The following CUL5 variants were observed in gnomAD, a reference collection of about 807,000 sequenced individuals.
The protein encoded by CUL5 is cullin 5, also known as cullin-5.
In CUL5, 26 loss-of-function variants were observed where a neutral mutation model predicts 108.8. The ratio of observed to expected loss-of-function variants is 0.24; its 90% confidence interval spans 0.18 to 0.33. CUL5 has a LOEUF of 0.33. Among genes scored for constraint, CUL5 ranks in the 10% least tolerant of loss-of-function variants. CUL5 has a pLI of 1.00. For synonymous variants in CUL5, 334 were observed against 298.0 expected, an observed-to-expected ratio of 1.12 and a Z score of -1.25; for missense variants, 524 against 909.2, an observed-to-expected ratio of 0.58 and a Z score of 5.45.
chr11:108,083,871 A>T (rs559281507), intron 11 of CUL5, among the ~76,000 whole-genome samples: 1 of 152,284 alleles, frequency 6.6e-6, no homozygotes, highest in South Asian at 2.1e-4. Flanking sequence ...GGAGGAGGTG[A>T]TGTTCTAGAA....
chr11:108,067,077 G>C (rs1863702366), intron 7 of CUL5, among the ~76,000 whole-genome samples: 1 of 152,158 alleles, frequency 6.6e-6, no homozygotes, highest in African/African-American at 2.4e-5. Context: ...TATAACTCAA[G>C]ACCTTATGAA....
chr11:108,051,415 C>G lies in CUL5; in HGVS notation c.412-1245C>G, dbSNP rs1863217343. On this transcript the variant is annotated intron_variant, in intron 4 of 18. Transcript: ENST00000393094. ...AAATGTGGAAAGTTAGCTTTGCTAT[C>G]TGTACCCCAGGTTTCACATATCTAA... is the stretch of plus-strand genomic sequence containing the variant. 3.3e-5 allele frequency among the ~76,000 whole-genome samples: 5 copies of G among 152,168 alleles called. No individual in the cohort carries two copies. The South Asian group carries it at 1.0e-3, about 32-fold the overall frequency.
chr11:108,085,270 A>G (rs905537150), intron 11 of CUL5, among the ~76,000 whole-genome samples: 2 of 152,220 alleles, frequency 1.3e-5, no homozygotes, highest in African/African-American at 2.4e-5. Flanking sequence ...TTATTCTGCT[A>G]TATGCTACAA....
rs773855017 is a variant in CUL5 at position 108,098,538 on chromosome 11, T to G, written c.2148+9T>G. On this transcript the variant is annotated intron_variant, in intron 18 of 18. Transcript: ENST00000393094. ...GAATACTAAGAACCCAGGTTTGTAA[T>G]GTTGACAGAATGTCTGAAGTTTAAA... The G allele has an allele frequency of 7.3e-6, 11 of 1,511,638 alleles. No individual in the cohort carries two copies. Among genetic ancestry groups the G allele is most frequent in the African/African-American group, 1.4e-5 (1 of 69,556 alleles). The allele number at this position is 1,511,638 out of a possible 1,614,324, so 93.6% of individuals were successfully genotyped here. A position where few individuals can be genotyped will look rare whatever the true frequency, so the allele number is the denominator to read the frequency against.
chr11:108,050,483 C>T (rs1863188257), intron 4 of CUL5, among the ~76,000 whole-genome samples: 1 of 152,072 alleles, frequency 6.6e-6, no homozygotes, highest in African/African-American at 2.4e-5. Flanking sequence ...TCTCCTGCCT[C>T]AGCCTCCTGA....
intron 11 of CUL5, among the ~76,000 whole-genome samples, chr11:108,086,404 A>G (rs1864224068): frequency 6.6e-6 from 1 of 152,178 alleles, no homozygotes; most frequent in Non-Finnish European, 1.5e-5. Flanking sequence ...AGCCTGAGCA[A>G]TGTATCTAGA....
At chr11:108,039,082 G>A (rs185078708) in intron 2 of CUL5, among the ~76,000 whole-genome samples, 15 of 151,644 alleles carry the variant, frequency 9.9e-5, no homozygotes, top group Admixed American at 2.6e-4. Context: ...GTGCAATGGC[G>A]CAATCTCGGC....
At position 108,073,378 on chromosome 11, in the gene CUL5, T is replaced by C. The variant is rs1863871803; in HGVS notation, c.1006-12T>C. The stretch of plus-strand genomic sequence containing the variant: ...TCTTTTAAAAACTTAATGTAAAACC[T>C]TTTGTTTCTAGGACTCTGAGAAATA... On this transcript the variant is annotated splice_polypyrimidine_tract_variant and intron_variant, in intron 9 of 18. Transcript: ENST00000393094. 7.7e-7 allele frequency: 1 copy of C among 1,300,714 alleles called. No homozygotes were observed. The highest frequency in any genetic ancestry group is 1.1e-6 in the Non-Finnish European group (1 of 918,866). The allele number at this position is 1,300,714 out of a possible 1,614,324, so 80.6% of individuals were successfully genotyped here.
At chr11:108,091,330 C>T (rs574397724) in intron 13 of CUL5, among the ~76,000 whole-genome samples, 6 of 151,576 alleles carry the variant, frequency 4.0e-5, no homozygotes, top group South Asian at 4.2e-4. Flanking sequence ...AGATTACAGG[C>T]GTGAGCCACC....
chr11:108,009,502 G>A, intron 1 of CUL5, 130 bp downstream of exon 1: 2 of 957,692 alleles, frequency 2.1e-6, no homozygotes, highest in Non-Finnish European at 3.2e-6. Context: ...GGGAAGCCGC[G>A]GTGGCAGCCG....
At chr11:108,069,506 C>T (rs1485021161) in intron 7 of CUL5, among the ~76,000 whole-genome samples, 1 of 152,000 alleles carries the variant, frequency 6.6e-6, no homozygotes, top group Non-Finnish European at 1.5e-5. Flanking sequence ...TGGATGAGGC[C>T]ATTTTAACTA....
Position 108,054,915 on chromosome 11 carries a change from G to A in CUL5, c.740G>A (p.Arg247His). The A allele has an allele frequency of 6.2e-7, 1 of 1,609,064 alleles. No individual in the cohort carries two copies. Among genetic ancestry groups the A allele is most frequent in the Non-Finnish European group, 8.5e-7 (1 of 1,178,884 alleles). The change falls in exon 7 of 19, where the codon CGT becomes CAT. Residue 247 changes from arginine to histidine, a missense_variant. Physicochemically the swap from Arg to His is conservative, Grantham distance 29. This residue lies in a region of CUL5 where 170 missense variants were observed against 305.1 expected (regional missense o/e 0.56). Coordinates refer to ENST00000393094, the MANE Select transcript of CUL5 (RefSeq NM_003478.6). ...KLKEEEKRAL[R>H]YLETRRECNS... ...AAAGAAGAAGAAAAACGAGCACTAC[G>A]TTATTTAGAAACAAGACGAGAATGT...
intron 7 of CUL5, 150 bp downstream of exon 7, chr11:108,055,105 T>C (rs966178737): frequency 4.7e-6 from 3 of 641,132 alleles, no homozygotes; most frequent in South Asian, 4.2e-5. Context: ...AGCACAACTT[T>C]GTAGGAGGTA....
chr11:108,097,608 C>A (rs954262685), intron 16 of CUL5, 28 bp from the exon 17 acceptor site: 2 of 1,260,412 alleles, frequency 1.6e-6, no homozygotes, highest in African/African-American at 1.5e-5. Flanking sequence ...TTTATAGATG[C>A]TAATTGTTTT....
chr11:108,068,659 T>C (rs1046384306), intron 7 of CUL5, among the ~76,000 whole-genome samples: 2 of 152,126 alleles, frequency 1.3e-5, no homozygotes, highest in African/African-American at 4.8e-5. Flanking sequence ...TCAGAAGAAA[T>C]ATATCAGCCT....
At chr11:108,091,660 G>T (rs1864362441) in intron 13 of CUL5, among the ~76,000 whole-genome samples, 1 of 148,642 alleles carries the variant, frequency 6.7e-6, no homozygotes, top group Non-Finnish European at 1.5e-5. Flanking sequence ...CTGTACTCCT[G>T]CCTGAGCAAC....
chr11:108,061,596 C>G (rs1863537379), intron 7 of CUL5, among the ~76,000 whole-genome samples: 1 of 152,078 alleles, frequency 6.6e-6, no homozygotes, highest in Non-Finnish European at 1.5e-5. Flanking sequence ...TTTGTTGATC[C>G]TTCTGTTTGT....
At chr11:108,062,216 T>C (rs1863554855) in intron 7 of CUL5, among the ~76,000 whole-genome samples, 1 of 144,920 alleles carries the variant, frequency 6.9e-6, no homozygotes, top group Non-Finnish European at 1.6e-5. Context: ...TATCCTTAAA[T>C]ACCTCTATCT....
At chr11:108,090,039 C>CAAAAAAAAAAAAAAAAAAA (rs35375054) in intron 13 of CUL5, among the ~76,000 whole-genome samples, 1 of 148,352 alleles carries the variant, frequency 6.7e-6, no homozygotes. Flanking sequence ...GACTCCATTT[C>CAAAAAAAAAAAAAAAAAAA]AAAAAAAAAA....
Sources: gnomAD v4.1 joint callset for allele counts (sites outside exome capture counted in the v4.1 genomes callset) on GRCh38, gnomAD v4.1.1 for gene constraint, gnomAD v4.1.1 regional missense constraint, MANE v1.5 for transcripts, NCBI Gene and HGNC (gene_info 2026-07-23, HGNC 2026-07-21) for gene names.